Variants in FERMT2 observed in about 807,000 individuals in gnomAD.
FERMT2 encodes fermitin family homolog 2.
FERMT2 carries 15 observed loss-of-function variants against 82.7 expected under a neutral mutation model. The ratio of observed to expected loss-of-function variants is 0.18; its 90% CI spans 0.12 to 0.28. The LOEUF is 0.28. Among genes scored for constraint, FERMT2 ranks in the 10% least tolerant of loss-of-function variants. FERMT2 has a pLI of 1.00. For synonymous variants in FERMT2, 274 were observed against 271.5 expected (o/e 1.01, Z -0.09); for missense variants, 645 against 809.4 (o/e 0.80, Z 2.46).
At chr14:52,931,440 T>C (rs1889562987) in intron 2 of FERMT2, among the ~76,000 whole-genome samples, 1 of 152,150 alleles carries the variant, frequency 6.6e-6, no homozygotes, top group South Asian at 2.1e-4. Flanking sequence ...TTGATTTGAT[T>C]ATGAAGCACA....
chr14:52,949,015 T>C (rs1271099951), intron 2 of FERMT2, among the ~76,000 whole-genome samples: 1 of 152,222 alleles, frequency 6.6e-6, no homozygotes, highest in Non-Finnish European at 1.5e-5. Context: ...GACTGATTTA[T>C]TCAAATCAGA....
intron 2 of FERMT2, among the ~76,000 whole-genome samples, chr14:52,950,100 C>A (rs1890556260): frequency 2.0e-5 from 3 of 152,206 alleles, no homozygotes. Context: ...ATTCTTTTAT[C>A]GTTCTGTCAG....
chr14:52,934,709 T>C (rs1010570519), intron 2 of FERMT2, among the ~76,000 whole-genome samples: 13 of 152,356 alleles, frequency 8.5e-5, no homozygotes, highest in Admixed American at 1.3e-4. Flanking sequence ...CACATTTCCA[T>C]GGTGAGCTAT....
At position 52,861,059 on chromosome 14, in the gene FERMT2, A is replaced by G. The variant is rs761969897; in HGVS notation, c.1603-594T>C. 12 of 1,503,212 alleles carry G rather than the reference A, an allele frequency of 8.0e-6. No individual in the cohort carries two copies. In the South Asian group the frequency reaches 1.5e-4, roughly 19 times the overall value. 93.1% of individuals were successfully genotyped at this position (1,503,212 alleles called of 1,614,324 possible). On this transcript the variant is annotated intron_variant, in intron 12 of 14. Coordinates refer to ENST00000341590, the MANE Select transcript of FERMT2 (RefSeq NM_006832.3). ...GCTGTAGATGGCAATGCGAGGAAAG[A>G]AAAAGGAAGCAGAAAGAAAAAAAAA... is the stretch of plus-strand genomic sequence containing the variant.
At chr14:52,947,516 G>C (rs571161307) in intron 2 of FERMT2, among the ~76,000 whole-genome samples, 2 of 152,060 alleles carry the variant, frequency 1.3e-5, no homozygotes, top group South Asian at 4.2e-4. Context: ...AAATAAATGA[G>C]ACTTTTCAGA....
chr14:52,907,240 T>A (rs1019890807), intron 3 of FERMT2, among the ~76,000 whole-genome samples: 6 of 152,166 alleles, frequency 3.9e-5, no homozygotes, highest in Admixed American at 1.3e-4. Context: ...CTTGAACCCC[T>A]GGGCTCAGGT....
chr14:52,864,194 T>C (rs1401368236), intron 12 of FERMT2, among the ~76,000 whole-genome samples: 2 of 152,184 alleles, frequency 1.3e-5, no homozygotes, highest in African/African-American at 4.8e-5. Context: ...CAATGAGCAT[T>C]TGAGAGTCAT....
chr14:52,899,772 C>T (rs147094845), intron 3 of FERMT2, among the ~76,000 whole-genome samples: 2 of 152,210 alleles, frequency 1.3e-5, no homozygotes. Context: ...CATTAAGATA[C>T]TGATCATTTC....
intron 3 of FERMT2, among the ~76,000 whole-genome samples, chr14:52,903,242 G>T (rs1298131176): frequency 2.0e-5 from 3 of 151,780 alleles, no homozygotes; most frequent in African/African-American, 4.8e-5. Flanking sequence ...TAAAAATCAA[G>T]AACACTATTA....
At chr14:52,926,733 G>A (rs1889298187) in intron 2 of FERMT2, among the ~76,000 whole-genome samples, 1 of 150,828 alleles carries the variant, frequency 6.6e-6, no homozygotes, top group South Asian at 2.1e-4. Context: ...GTAAAAAGCT[G>A]TACTATTATG....
intron 2 of FERMT2, chr14:52,927,895 C>T (rs1256167245): frequency 1.3e-5 from 3 of 235,678 alleles, no homozygotes; most frequent in African/African-American, 4.4e-5. Context: ...ATCTAAACCA[C>T]CAGAGACCAA....
At chr14:52,917,332 C>T (rs887650915) in intron 3 of FERMT2, among the ~76,000 whole-genome samples, 2 of 151,984 alleles carry the variant, frequency 1.3e-5, no homozygotes, top group African/African-American at 2.4e-5. Flanking sequence ...ACTGGATACA[C>T]ACTGAACTTA....
intron 2 of FERMT2, among the ~76,000 whole-genome samples, chr14:52,933,727 AAAAAAAAAAAG>A (rs1170100753): frequency 6.0e-5 from 9 of 149,900 alleles, no homozygotes; most frequent in East Asian, 3.9e-4. Flanking sequence ...AAAAAAAAAA[AAAAAAAAAAAG>A]GGAAAAGAAA....
intron 2 of FERMT2, among the ~76,000 whole-genome samples, chr14:52,926,066 A>C (rs541502148): frequency 6.6e-6 from 1 of 152,320 alleles, no homozygotes; most frequent in South Asian, 2.1e-4. Flanking sequence ...CACTATGTGC[A>C]GAACAGATTT....
At chr14:52,936,933 T>C (rs1889863316) in intron 2 of FERMT2, among the ~76,000 whole-genome samples, 1 of 151,922 alleles carries the variant, frequency 6.6e-6, no homozygotes, top group South Asian at 2.1e-4. Flanking sequence ...GGTGGGCGGA[T>C]CACCTGAGGT....
chr14:52,859,784 G>T (rs1884789977), intron 13 of FERMT2, 70 bp from the exon 14 acceptor site: 4 of 905,868 alleles, frequency 4.4e-6, no homozygotes, highest in Admixed American at 2.9e-5. Flanking sequence ...TTTTCTTCAA[G>T]ATAAGTGTTC....
intron 14 of FERMT2, chr14:52,858,803 T>G: frequency 2.7e-6 from 1 of 372,732 alleles, no homozygotes. Flanking sequence ...TTTAGGTCGT[T>G]CAGTTCTCAA....
chr14:52,868,565 A>G (rs1175055362), intron 10 of FERMT2, among the ~76,000 whole-genome samples: 6 of 152,158 alleles, frequency 3.9e-5, no homozygotes, highest in African/African-American at 1.2e-4. Flanking sequence ...GAGTTCACTT[A>G]GTATTAGCTG....
At chr14:52,909,850 C>T (rs537990077) in intron 3 of FERMT2, among the ~76,000 whole-genome samples, 31 of 152,204 alleles carry the variant, frequency 2.0e-4, no homozygotes, top group East Asian at 3.9e-4. Context: ...GTCAAGGGAT[C>T]GAGACCATCC....
Sources: gnomAD v4.1 joint callset for allele counts (sites outside exome capture counted in the v4.1 genomes callset) on GRCh38, gnomAD v4.1.1 for gene constraint, MANE v1.5 for transcripts, NCBI Gene and HGNC (gene_info 2026-07-23, HGNC 2026-07-21) for gene names.